The following HACE1 variants were observed in gnomAD, a reference collection of about 807,000 sequenced individuals.
HACE1 encodes the protein HECT domain and ankyrin repeat containing E3 ubiquitin protein ligase 1.
In HACE1, 73 loss-of-function variants were observed where a neutral mutation model predicts 118.4. The ratio of observed to expected loss-of-function variants is 0.62; its 90% confidence interval spans 0.51 to 0.75. HACE1 has a LOEUF of 0.75. Among genes scored for constraint, HACE1 ranks in the 30% least tolerant of loss-of-function variants. The pLI is 0.00. For missense variants in HACE1, 749 were observed against 1,102.2 expected (o/e 0.68, Z 4.54); for synonymous variants, 368 against 374.8 (o/e 0.98, Z 0.21).
At chr6:104,822,430 G>A (rs940246664) in intron 6 of HACE1, among the ~76,000 whole-genome samples, 1 of 151,116 alleles carries the variant, frequency 6.6e-6, no homozygotes, top group Non-Finnish European at 1.5e-5. Context: ...GTGTGTGCCT[G>A]TAGCCCTAGC....
chr6:104,776,967 T>G (rs747873295), intron 16 of HACE1, 46 bp downstream of exon 16: 8 of 1,358,620 alleles, frequency 5.9e-6, no homozygotes, highest in Non-Finnish European at 8.4e-6. Flanking sequence ...CATTTCAATC[T>G]TTCTTTACAT....
intron 22 of HACE1, chr6:104,731,790 T>C (rs1775225566): frequency 6.6e-6 from 1 of 151,760 alleles, no homozygotes; most frequent in Non-Finnish European, 1.5e-5. Context: ...AAGGGAAAAG[T>C]TTCATAATAC....
chr6:104,759,646 A>T (rs1182984231), intron 19 of HACE1, among the ~76,000 whole-genome samples: 4 of 152,174 alleles, frequency 2.6e-5, no homozygotes, highest in Admixed American at 6.5e-5. Flanking sequence ...AGAACTAGAG[A>T]AGCAAGAGCA....
chr6:104,765,411 G>A (rs192062265), intron 19 of HACE1, among the ~76,000 whole-genome samples: 10 of 152,268 alleles, frequency 6.6e-5, no homozygotes, highest in African/African-American at 2.4e-4. Context: ...TCTGTCCTTG[G>A]TAGCCTACCA....
At chr6:104,845,935 T>C (rs1235690064) in intron 4 of HACE1, 2 of 152,252 alleles carry the variant, frequency 1.3e-5, no homozygotes, top group African/African-American at 2.4e-5. Context: ...ATCGTGTGTC[T>C]ATACCTATAT....
At chr6:104,859,481 T>C in intron 1 of HACE1, 86 bp downstream of exon 1, 1 of 1,035,002 alleles carries the variant, frequency 9.7e-7, no homozygotes, top group Non-Finnish European at 1.3e-6. Context: ...AGTTAGTTTT[T>C]CCACCCGACC....
intron 6 of HACE1, among the ~76,000 whole-genome samples, chr6:104,823,495 T>C (rs1772998047): frequency 7.6e-6 from 1 of 131,790 alleles, no homozygotes; most frequent in Non-Finnish European, 1.7e-5. Flanking sequence ...TAAATCTTTC[T>C]ACTTTTCTAT....
intron 19 of HACE1, among the ~76,000 whole-genome samples, chr6:104,751,787 A>G (rs1356564922): frequency 6.6e-6 from 1 of 152,110 alleles, no homozygotes; most frequent in Admixed American, 6.5e-5. Flanking sequence ...TATAAGTGAA[A>G]CTTTGTGAGT....
chr6:104,832,238 A>C (rs565861606), intron 6 of HACE1, among the ~76,000 whole-genome samples: 1 of 152,232 alleles, frequency 6.6e-6, no homozygotes, highest in Non-Finnish European at 1.5e-5. Context: ...CAGAATGAAC[A>C]TTATAAATGT....
chr6:104,797,022 A>G lies in HACE1; in HGVS notation c.621T>C (p.His207=), dbSNP rs988243956. The change falls in exon 8 of 24, where the codon CAT becomes CAC. Residue 207 remains histidine (H), a synonymous_variant. Coordinates refer to ENST00000262903, the MANE Select transcript of HACE1 (RefSeq NM_020771.4). ...GGATCTGTGCTGTATCTCTCTGACC[A>G]TGACTGTGTGGAAATAGAAACAAGT... ...GATPLYFACS[H]GQRDTAQILL... is the part of the protein sequence containing the mutation. The G allele has an allele frequency of 6.4e-7, 1 of 1,555,460 alleles. No individual in the cohort carries two copies. Among genetic ancestry groups the G allele is most frequent in the East Asian group, 2.2e-5 (1 of 44,486 alleles).
chr6:104,781,648 TAAC>T (rs1562355936), intron 14 of HACE1, among the ~76,000 whole-genome samples: 5 of 152,136 alleles, frequency 3.3e-5, no homozygotes. Context: ...CCTTGGTATG[TAAC>T]CAATCTCCAA....
At chr6:104,762,343 T>A (rs1292290999) in intron 19 of HACE1, among the ~76,000 whole-genome samples, 1 of 152,168 alleles carries the variant, frequency 6.6e-6, no homozygotes, top group East Asian at 1.9e-4. Flanking sequence ...ATGTGGCACA[T>A]ATACACCATG....
intron 5 of HACE1, among the ~76,000 whole-genome samples, chr6:104,840,856 A>G (rs372769358): frequency 2.6e-5 from 4 of 152,174 alleles, no homozygotes; most frequent in African/African-American, 9.7e-5. Context: ...CCAGCTACTC[A>G]GGAGGCTGAA....
intron 6 of HACE1, among the ~76,000 whole-genome samples, chr6:104,824,512 CATTT>C (rs1773107397): frequency 6.6e-6 from 1 of 152,124 alleles, no homozygotes; most frequent in African/African-American, 2.4e-5. Context: ...GTACTCTGAG[CATTT>C]ATTAAGTTAA....
At chr6:104,780,966 C>T (rs1488629817) in intron 14 of HACE1, among the ~76,000 whole-genome samples, 1 of 151,982 alleles carries the variant, frequency 6.6e-6, no homozygotes, top group African/African-American at 2.4e-5. Flanking sequence ...CTGATGATTC[C>T]TCCTGATTAG....
intron 5 of HACE1, among the ~76,000 whole-genome samples, chr6:104,839,149 G>A (rs1273646313): frequency 3.9e-5 from 6 of 152,160 alleles, no homozygotes; most frequent in Non-Finnish European, 7.3e-5. Flanking sequence ...TATGTTGTTG[G>A]TGGGAATGTG....
At chr6:104,825,391 T>C (rs1045394227) in intron 6 of HACE1, among the ~76,000 whole-genome samples, 3 of 151,810 alleles carry the variant, frequency 2.0e-5, no homozygotes, top group African/African-American at 7.2e-5. Flanking sequence ...TCTAACTCTG[T>C]AACTTCACTT....
At chr6:104,755,312 C>G (rs192535117) in intron 19 of HACE1, among the ~76,000 whole-genome samples, 157 of 152,246 alleles carry the variant, frequency 1.0e-3, no homozygotes, top group Admixed American at 2.4e-3. Context: ...GAGACTGAGA[C>G]TCCCACACAA....
At chr6:104,829,466 G>C (rs1773646432) in intron 6 of HACE1, among the ~76,000 whole-genome samples, 2 of 152,036 alleles carry the variant, frequency 1.3e-5, no homozygotes, top group South Asian at 4.1e-4. Context: ...CAGCCAGGAG[G>C]AAAAGAAATA....
Sources: allele counts gnomAD v4.1 joint callset (sites outside exome capture counted in the v4.1 genomes callset), GRCh38; gene constraint gnomAD v4.1.1; transcripts MANE v1.5; gene names NCBI Gene and HGNC (gene_info 2026-07-23, HGNC 2026-07-21).